NEU3: variants seen among roughly 807,000 people sequenced by gnomAD.
The protein encoded by NEU3 is neuraminidase 3.
In NEU3, 10 loss-of-function variants were observed where a neutral mutation model predicts 11.4. The observed-to-expected ratio is 0.88, with a 90% confidence interval of 0.54 to 1.49. NEU3 has a LOEUF of 1.49. Ranked by LOEUF, NEU3 falls within the 40% of genes most tolerant of loss-of-function variation. The probability of loss-of-function intolerance (pLI) is 0.00; values close to 1 mark genes in which losing one functional copy is unlikely to be tolerated. For missense variants in NEU3, 529 were observed against 581.8 expected, an observed-to-expected ratio of 0.91 and a Z score of 0.93; for synonymous variants, 212 against 228.2, an observed-to-expected ratio of 0.93 and a Z score of 0.64.
At chr11:74,986,689 G>T (rs1217656129), upstream of NEU3, among the ~76,000 whole-genome samples, 1 of 152,104 alleles carries the variant, frequency 6.6e-6, no homozygotes, top group African/African-American at 2.4e-5. Context: ...TTGCCAGAGG[G>T]TTTGTCCGGT....
intron 2 of NEU3, among the ~76,000 whole-genome samples, chr11:74,995,340 T>G (rs1565494265): frequency 6.6e-6 from 1 of 152,226 alleles, no homozygotes; most frequent in African/African-American, 2.4e-5. Context: ...GGTCATTTGC[T>G]TTGGTCACGC....
upstream of NEU3, chr11:74,988,629 G>C (rs1054947611): frequency 2.0e-5 from 4 of 199,472 alleles, no homozygotes; most frequent in South Asian, 3.3e-4. Context: ...CTCTCAGGCT[G>C]TCCAGGGAAG....
chr11:74,990,110 T>C (rs1376122273), intron 1 of NEU3: 2 of 666,636 alleles, frequency 3.0e-6, no homozygotes, highest in Admixed American at 4.7e-5. Flanking sequence ...TGTGAGGACA[T>C]CAAAATTTAT....
chr11:75,000,666 C>T (rs1948834197), intron 2 of NEU3, among the ~76,000 whole-genome samples: 1 of 150,772 alleles, frequency 6.6e-6, no homozygotes. Context: ...GTTGCCCAGG[C>T]TGGAGTGCAG....
upstream of NEU3, chr11:74,988,877 C>G (rs997035052): frequency 1.2e-5 from 7 of 593,672 alleles, no homozygotes; most frequent in Non-Finnish European, 1.8e-5. Flanking sequence ...TGGCCCCAAC[C>G]GCCACTGACT....
At chr11:74,998,584 C>T (rs1948815211) in intron 2 of NEU3, among the ~76,000 whole-genome samples, 1 of 152,192 alleles carries the variant, frequency 6.6e-6, no homozygotes, top group Admixed American at 6.5e-5. Flanking sequence ...TTTTTACCTA[C>T]AGATGTCTCA....
downstream of NEU3, among the ~76,000 whole-genome samples, chr11:75,011,902 C>G (rs954436287): frequency 2.6e-5 from 4 of 152,104 alleles, no homozygotes; most frequent in South Asian, 4.1e-4. Context: ...TGATAGAATC[C>G]CCACTTGCTC....
rs17133599 is a variant in NEU3 at position 75,005,925 on chromosome 11, A to G, written c.819A>G (p.Leu273=). The change falls in exon 3 of 3, where the codon CTA becomes CTG. Residue 273 remains leucine, a synonymous_variant. Coordinates refer to ENST00000294064, the MANE Select transcript of NEU3 (RefSeq NM_006656.6). ...CTGGGAGGGCTGGCCACCCTGTGCT[A>G]TATTGCAGTGCCCGGACACCAAACA... ...EVTGRAGHPV[L]YCSARTPNRC... is the part of the protein sequence containing the mutation. The G allele has an allele frequency of 4.1e-4, 669 of 1,613,636 alleles. 3 individuals are homozygous for G. In the African/African-American group the frequency reaches 8.2e-3, roughly 20 times the overall value.
chr11:74,982,514 A>G, the NEU3 span, among the ~76,000 whole-genome samples: 1 of 152,144 alleles, frequency 6.6e-6, no homozygotes, highest in Non-Finnish European at 1.5e-5. Flanking sequence ...CACCTTCGAC[A>G]GTTTTATCAA....
the NEU3 span, among the ~76,000 whole-genome samples, chr11:74,980,649 A>G: frequency 1.3e-5 from 2 of 151,952 alleles, no homozygotes; most frequent in Admixed American, 6.6e-5. Context: ...AACCCAACCC[A>G]CCCTATGGTC....
upstream of NEU3, chr11:74,988,932 C>A (rs756924059): frequency 2.5e-4 from 182 of 731,866 alleles, no homozygotes; most frequent in Non-Finnish European, 3.8e-4. Flanking sequence ...CTGTTTCCGG[C>A]AGTCGACACG....
At chr11:74,992,312 T>C (rs1186020488) in intron 1 of NEU3, among the ~76,000 whole-genome samples, 1 of 152,228 alleles carries the variant, frequency 6.6e-6, no homozygotes, top group African/African-American at 2.4e-5. Context: ...ATTGTCCATG[T>C]ATATGTCTGT....
chr11:74,994,591 C>T lies in NEU3; in HGVS notation c.177C>T (p.Ile59=), dbSNP rs542837204. 36 of 1,613,996 alleles carry T rather than the reference C, an allele frequency of 2.2e-5. No individual in the cohort carries two copies. The South Asian group carries it at 3.3e-4, about 15-fold the overall frequency. Residue 59 remains isoleucine, a synonymous_variant, in exon 2 of 3, where the codon ATC becomes ATT. Coordinates refer to ENST00000294064, the MANE Select transcript of NEU3 (RefSeq NM_006656.6). ...ATGACAGAGGGATTACCTACCGGAT[C>T]CCAGCCCTGCTCTACATACCCCCCA... ...QEDDRGITYR[I]PALLYIPPTH...
downstream of NEU3, among the ~76,000 whole-genome samples, chr11:75,012,422 C>G (rs1376096805): frequency 6.6e-6 from 1 of 152,180 alleles, no homozygotes; most frequent in Non-Finnish European, 1.5e-5. Context: ...GGGTGAGCAT[C>G]AAGTTTAAAA....
rs1591749235 is a variant in NEU3 at position 74,988,975 on chromosome 11, T to A, written c.-86T>A. On this transcript the variant is annotated 5_prime_UTR_variant, in exon 1 of 3. Coordinates refer to ENST00000294064, the MANE Select transcript of NEU3 (RefSeq NM_006656.6). The stretch of plus-strand genomic sequence containing the variant: ...CTTCTCGGGGCTTGTCTCCGTGTCC[T>A]CCGTCTCAGTTGTTTCTCCCTCTCT... The A allele has an allele frequency of 9.9e-7, 1 of 1,013,966 alleles. No individual in the cohort carries two copies. Among genetic ancestry groups the A allele is most frequent in the African/African-American group, 1.7e-5 (1 of 60,316 alleles). The allele number at this position is 1,013,966 out of a possible 1,614,324, so 62.8% of individuals were successfully genotyped here.
At chr11:74,993,436 C>T (rs572861115) in intron 1 of NEU3, among the ~76,000 whole-genome samples, 51 of 152,280 alleles carry the variant, frequency 3.3e-4, no homozygotes, top group Non-Finnish European at 6.2e-4. Flanking sequence ...GATCTCCTGA[C>T]CTCGTGATCC....
Position 75,009,070 on chromosome 11 carries a change from G to A in NEU3, c.*2578G>A, listed in dbSNP as rs1948929415. On this transcript the variant is annotated 3_prime_UTR_variant, in exon 3 of 3. Transcript: ENST00000294064. ...GGGCAGGCCTGTGTTCTTATCTCAG[G>A]AATAGTAAGAAAAGGGGGTTGGGAA... 1 of 152,162 alleles carries A rather than the reference G, an allele frequency of 6.6e-6. No homozygotes were observed. Among genetic ancestry groups the A allele is most frequent in the Non-Finnish European group, 1.5e-5 (1 of 68,054 alleles). The allele number at this position is 152,162 out of a possible 1,614,324, so 9.4% of individuals were successfully genotyped here.
At chr11:74,992,129 AAACGAGTGTTCCAGG>A (rs1184845081) in intron 1 of NEU3, among the ~76,000 whole-genome samples, 7 of 152,244 alleles carry the variant, frequency 4.6e-5, no homozygotes, top group African/African-American at 1.4e-4. Context: ...TGGCTATCTG[AAACGAGTGTTCCAGG>A]CAGAGCCTGT....
chr11:74,982,040 A>T, the NEU3 span, among the ~76,000 whole-genome samples: 1 of 152,242 alleles, frequency 6.6e-6, no homozygotes, highest in African/African-American at 2.4e-5. Context: ...CAGCAAGCTC[A>T]TGGCTCCAGC....
Sources: allele counts gnomAD v4.1 joint callset (sites outside exome capture counted in the v4.1 genomes callset), GRCh38; gene constraint gnomAD v4.1.1; transcripts MANE v1.5; gene names NCBI Gene and HGNC (gene_info 2026-07-23, HGNC 2026-07-21).